The following TCF4 variants were observed in gnomAD, a reference collection of about 807,000 sequenced individuals.
The protein encoded by TCF4 is SL3-3 enhancer factor 2.
A neutral mutation model predicts 82.1 loss-of-function variants in TCF4; 3 were observed. That is an observed-to-expected ratio of 0.04 (90% CI 0.02 to 0.09). The LOEUF is 0.09. TCF4 is among the 10% of genes least tolerant of loss of function. The probability of loss-of-function intolerance (pLI) is 1.00; values close to 1 mark genes in which losing one functional copy is unlikely to be tolerated. For missense variants in TCF4, 518 were observed against 852.7 expected, an observed-to-expected ratio of 0.61 and a Z score of 4.89; for synonymous variants, 276 against 309.6, an observed-to-expected ratio of 0.89 and a Z score of 1.14.
At chr18:55,372,286 G>A (rs2089463696) in intron 6 of TCF4, among the ~76,000 whole-genome samples, 1 of 151,428 alleles carries the variant, frequency 6.6e-6, no homozygotes, top group South Asian at 2.1e-4. Flanking sequence ...GCTCTACAGA[G>A]GAAAAATAAA....
At chr18:55,609,146 G>A (rs1198688393) in intron 2 of TCF4, among the ~76,000 whole-genome samples, 1 of 152,138 alleles carries the variant, frequency 6.6e-6, no homozygotes. Context: ...GGACTTCCCA[G>A]CCCACAGAAC....
intron 4 of TCF4, 110 bp downstream of exon 4, chr18:55,463,966 G>T (rs911134768): frequency 2.4e-6 from 2 of 828,398 alleles, no homozygotes; most frequent in Non-Finnish European, 4.1e-6. Flanking sequence ...GTGTGTGTGT[G>T]TGTGTGTGTG....
At chr18:55,531,441 C>T (rs562959130) in intron 3 of TCF4, among the ~76,000 whole-genome samples, 1 of 152,090 alleles carries the variant, frequency 6.6e-6, no homozygotes, top group South Asian at 2.1e-4. Context: ...TAAAAGTTAC[C>T]TTATAAATCC....
chr18:55,316,363 T>C (rs753413454), intron 8 of TCF4, among the ~76,000 whole-genome samples: 2 of 152,282 alleles, frequency 1.3e-5, no homozygotes, highest in Non-Finnish European at 2.9e-5. Context: ...AGATCCCTGA[T>C]GGCAGCATGT....
In TCF4 at chr18:55,476,463, T is replaced by C. The variant is rs191884563; in HGVS notation, c.146-12326A>G. 1.6e-3 allele frequency among the ~76,000 whole-genome samples: 250 copies of C among 152,116 alleles called. 1 individual carries two copies. The Middle Eastern group carries it at 0.02, about 12-fold the overall frequency. On this transcript the variant is annotated intron_variant, in intron 3 of 19. Coordinates refer to ENST00000354452, the MANE Select transcript of TCF4 (RefSeq NM_001083962.2). ...GATGAAGCCCTCGTTGTTTTTTTGT[T>C]TTTTGTTTTTTGTTTTTGTTTTTTT...
intron 3 of TCF4, among the ~76,000 whole-genome samples, chr18:55,504,950 T>C (rs554246583): frequency 1.3e-5 from 2 of 152,130 alleles, no homozygotes; most frequent in Non-Finnish European, 2.9e-5. Context: ...CTAATATTAG[T>C]ACCTTGAAAA....
chr18:55,548,001 C>G (rs368905345), intron 3 of TCF4, among the ~76,000 whole-genome samples: 4 of 152,188 alleles, frequency 2.6e-5, no homozygotes, highest in South Asian at 4.1e-4. Context: ...ATTTCAAGAA[C>G]GCAGCCAGCT....
Position 55,322,439 on chromosome 18 carries a change from A to C in TCF4, c.549+27920T>G, listed in dbSNP as rs1444866331. ...AGGGGAGGGAAGAAAAAAAAAAAAA[A>C]AAAAAAAAAAACACCACGTCTCTGA... On this transcript the variant is annotated intron_variant, in intron 8 of 19. Coordinates refer to ENST00000354452, the MANE Select transcript of TCF4 (RefSeq NM_001083962.2). 39 of 1,008,120 alleles carry C rather than the reference A, an allele frequency of 3.9e-5. 1 individual carries two copies. The highest frequency in any genetic ancestry group is 1.8e-4 in the Admixed American group (3 of 16,626). The allele number at this position is 1,008,120 out of a possible 1,614,324, so 62.4% of individuals were successfully genotyped here.
rs762922637 is a variant in TCF4 at position 55,234,663 on chromosome 18, A to G, written c.1371T>C (p.Asp457=). 1.2e-5 allele frequency: 19 copies of G among 1,614,040 alleles called. No homozygotes were observed. The African/African-American group carries it at 2.3e-4, about 19-fold the overall frequency. The change falls in exon 16 of 20, where the codon GAT becomes GAC. Residue 457 remains aspartate (D), a synonymous_variant. Coordinates refer to ENST00000354452, the MANE Select transcript of TCF4 (RefSeq NM_001083962.2). ...AATGGCTGCCTCTCAGGGCCACGCC[A>G]TCTTCACGATGGGTCCCCACCTGAA... is the stretch of plus-strand genomic sequence containing the variant. ...HSLMVGTHRE[D]GVALRGSHSL...
intron 2 of TCF4, among the ~76,000 whole-genome samples, chr18:55,621,861 T>C (rs142117874): frequency 0.026 from 2,778 of 105,718 alleles, 144 homozygotes; most frequent in African/African-American, 0.1. Flanking sequence ...TGTATTATAT[T>C]ATATATACAC....
intron 5 of TCF4, among the ~76,000 whole-genome samples, chr18:55,447,738 T>C (rs990511269): frequency 2.6e-5 from 4 of 152,198 alleles, no homozygotes; most frequent in African/African-American, 9.6e-5. Context: ...AGTAAGATAG[T>C]CTGCTTTGCT....
chr18:55,294,022 G>C (rs544416776), intron 8 of TCF4, among the ~76,000 whole-genome samples: 2 of 140,606 alleles, frequency 1.4e-5, no homozygotes, highest in East Asian at 4.3e-4. Context: ...GACTTTGGGA[G>C]GCCGAGGTGG....
intron 3 of TCF4, among the ~76,000 whole-genome samples, chr18:55,566,694 A>T (rs1231600553): frequency 6.6e-6 from 1 of 152,210 alleles, no homozygotes; most frequent in Admixed American, 6.5e-5. Flanking sequence ...AGAATGCAGC[A>T]GATACAAGGG....
chr18:55,569,287 G>C (rs1160894850), intron 3 of TCF4, among the ~76,000 whole-genome samples: 1 of 150,780 alleles, frequency 6.6e-6, no homozygotes, highest in Non-Finnish European at 1.5e-5. Context: ...CACATGATGT[G>C]ACAGATCTAC....
intron 3 of TCF4, chr18:55,510,463 TAAAA>T: frequency 2.6e-6 from 2 of 762,996 alleles, no homozygotes; most frequent in Non-Finnish European, 3.7e-6. Context: ...GAAGCCTTTG[TAAAA>T]ACCCCAGTCA....
At chr18:55,422,103 A>C (rs1698552569) in intron 5 of TCF4, 8 of 715,032 alleles carry the variant, frequency 1.1e-5, no homozygotes, top group African/African-American at 2.0e-5. Flanking sequence ...AAAAGCACAA[A>C]AAAAAAAAAA....
chr18:55,300,099 T>TACAC (rs372975426), intron 8 of TCF4, among the ~76,000 whole-genome samples: 4,955 of 147,990 alleles, frequency 0.033, 120 homozygotes, highest in Non-Finnish European at 0.046. Context: ...CATACAGATA[T>TACAC]ACACACACAC....
chr18:55,465,369 A>C (rs982963120), intron 3 of TCF4, among the ~76,000 whole-genome samples: 3 of 152,106 alleles, frequency 2.0e-5, no homozygotes, highest in African/African-American at 7.2e-5. Context: ...ATATCTTAAG[A>C]GATAGAAAAG....
intron 5 of TCF4, among the ~76,000 whole-genome samples, chr18:55,435,678 C>T (rs985162470): frequency 6.6e-6 from 1 of 152,216 alleles, no homozygotes; most frequent in Non-Finnish European, 1.5e-5. Flanking sequence ...CCTCTCTCTA[C>T]TTGTAGCCTT....
Sources: allele counts gnomAD v4.1 joint callset (sites outside exome capture counted in the v4.1 genomes callset), GRCh38; gene constraint gnomAD v4.1.1; transcripts MANE v1.5; gene names NCBI Gene and HGNC (gene_info 2026-07-23, HGNC 2026-07-21).